The following CDH24 variants were observed in gnomAD, a reference collection of about 807,000 sequenced individuals.
CDH24 encodes cadherin-24.
A neutral mutation model predicts 71.2 loss-of-function variants in CDH24; 61 were observed. That is an observed-to-expected ratio of 0.86 (90% CI 0.70 to 1.06). CDH24 has a LOEUF of 1.06. Among genes scored for constraint, CDH24 ranks in the 50% least tolerant of loss-of-function variants. The pLI, the probability that CDH24 is intolerant of heterozygous loss-of-function variation, is 0.00. For synonymous variants in CDH24, 440 were observed against 470.2 expected (o/e 0.94, Z 0.83); for missense variants, 961 against 1,083.7 (o/e 0.89, Z 1.59).
Position 23,052,566 on chromosome 14 carries a change from T to C in CDH24, c.1270A>G (p.Ile424Val), listed in dbSNP as rs747784902. The C allele has an allele frequency of 3.1e-6, 5 of 1,613,960 alleles. No individual in the cohort carries two copies. Among genetic ancestry groups the C allele is most frequent in the Non-Finnish European group, 4.2e-6 (5 of 1,179,986 alleles). ...PHSDPERCFS[I>V]QPEEGTIHTA... Reference sequence around the variant, plus strand: ...TGGATGGTGCCTTCCTCGGGCTGGATAGAGAAGCAACGCTCCGGATCTGAG... The same window carrying C: ...TGGATGGTGCCTTCCTCGGGCTGGACAGAGAAGCAACGCTCCGGATCTGAG... Residue 424 changes from isoleucine to valine, a missense_variant, in exon 8 of 13, where the codon ATC becomes GTC. Physicochemically the swap from Ile to Val is conservative, Grantham distance 29 (BLOSUM62 3). Around this residue, in one of 2 missense-constraint regions of CDH24, gnomAD observed 671 missense variants for 810.9 expected, o/e 0.83. Transcript: ENST00000487137.
Position 23,054,342 on chromosome 14 carries a change from A to T in CDH24, c.785-14T>A. 1 of 1,567,260 alleles carries T rather than the reference A, an allele frequency of 6.4e-7. No individual in the cohort carries two copies. The highest frequency in any genetic ancestry group is 8.7e-7 in the Non-Finnish European group (1 of 1,153,302). The stretch of plus-strand genomic sequence containing the variant: ...ACTGGTATAGGCCTTGGGATGACAG[A>T]GGGGAGACACCTTCTCAGAGAGGTC... On this transcript the variant is annotated splice_polypyrimidine_tract_variant and intron_variant, in intron 5 of 12. Transcript: ENST00000487137. This position sits in a 1 kb window ranked among gnomAD's most constrained non-coding sequence, Gnocchi z 5.2.
chr14:23,047,985 G>A lies in CDH24; in HGVS notation c.2341C>T (p.Pro781Ser), dbSNP rs1317585731. The A allele has an allele frequency of 2.2e-6, 3 of 1,355,494 alleles. No individual in the cohort carries two copies. The highest frequency in any genetic ancestry group is 1.7e-5 in the South Asian group (1 of 58,700). The allele number at this position is 1,355,494 out of a possible 1,614,324, so 84.0% of individuals were successfully genotyped here. Reference sequence around the variant, plus strand: ...GGCCGGGCCAGCCCGGGCGCTCAGGGGGCCGGGGGCTCCTTGGCCCCATAC... The same window carrying A: ...GGCCGGGCCAGCCCGGGCGCTCAGGAGGCCGGGGGCTCCTTGGCCCCATAC... ...ELYGAKEPPA[P>S] is the part of the protein sequence containing the mutation. The change falls in exon 12 of 13, where the codon CCC becomes TCC. Residue 781 changes from proline to serine, a missense_variant. This residue lies in a region of CDH24 where 290 missense variants were observed against 272.8 expected (regional missense o/e 1.06). Transcript: ENST00000487137.
intron 8 of CDH24, chr14:23,052,045 G>A (rs1183721146): frequency 6.3e-7 from 1 of 1,580,768 alleles, no homozygotes; most frequent in Admixed American, 1.8e-5. Flanking sequence ...TCAGCAACCA[G>A]AAGAGGTACC....
chr14:23,057,374 G>T lies in CDH24; in HGVS notation c.-125+29C>A, dbSNP rs2047146323. ...CCCTCCTACCCCTCCGCGGATTCCC[G>T]ACCCCTGCTCCGGGGCAGGCGCCCT... On this transcript the variant is annotated intron_variant, in intron 1 of 12. Coordinates refer to ENST00000487137, the MANE Select transcript of CDH24 (RefSeq NM_144985.4). This position sits in a 1 kb window ranked among gnomAD's most constrained non-coding sequence, Gnocchi z 5.4. The T allele has an allele frequency of 6.6e-6, 1 of 151,874 alleles. No individual in the cohort carries two copies. Among genetic ancestry groups the T allele is most frequent in the African/African-American group, 2.4e-5 (1 of 41,390 alleles). 9.4% of individuals were successfully genotyped at this position (151,874 alleles called of 1,614,324 possible). A position where few individuals can be genotyped will look rare whatever the true frequency, so the allele number is the denominator to read the frequency against.
chr14:23,052,114 G>T, intron 8 of CDH24: 1 of 1,232,938 alleles, frequency 8.1e-7, no homozygotes, highest in Non-Finnish European at 1.2e-6. Context: ...GATGGGGTCT[G>T]TCAGTACACA....
At chr14:23,053,460 C>T (rs2047099037) in intron 7 of CDH24, 36 bp downstream of exon 7, 1 of 1,523,018 alleles carries the variant, frequency 6.6e-7, no homozygotes, top group Admixed American at 2.0e-5. Flanking sequence ...AAGAGCCTGC[C>T]ATCTGGCTCC....
rs1255918102 is a variant in CDH24, at chr14:23,047,984, G to C, written c.2342C>G (p.Pro781Arg). ...ELYGAKEPPA[P>R] is the part of the protein sequence containing the mutation. Reference sequence around the variant, plus strand: ...GGGCCGGGCCAGCCCGGGCGCTCAGGGGGCCGGGGGCTCCTTGGCCCCATA... The same window carrying C: ...GGGCCGGGCCAGCCCGGGCGCTCAGCGGGCCGGGGGCTCCTTGGCCCCATA... Residue 781 changes from proline to arginine, a missense_variant, in exon 12 of 13, where the codon CCC becomes CGC. Pro to Arg is a moderately radical substitution (Grantham distance 103). This residue lies in a region of CDH24 where 290 missense variants were observed against 272.8 expected (regional missense o/e 1.06). Transcript: ENST00000487137. 1 of 1,348,988 alleles carries C rather than the reference G, an allele frequency of 7.4e-7. No individual in the cohort carries two copies. The highest frequency in any genetic ancestry group is 3.2e-5 in the East Asian group (1 of 31,212). The allele number at this position is 1,348,988 out of a possible 1,614,324, so 83.6% of individuals were successfully genotyped here. A position where few individuals can be genotyped will look rare whatever the true frequency, so the allele number is the denominator to read the frequency against.
At chr14:23,049,323 G>T (rs928595445) in intron 10 of CDH24, 48 bp from the exon 11 acceptor site, 1 of 1,516,126 alleles carries the variant, frequency 6.6e-7, no homozygotes, top group Admixed American at 2.0e-5. Context: ...CACCTTCCAG[G>T]TAGGGTTGGT....
rs1181279182 is a variant in CDH24, at chr14:23,057,377, C to A, written c.-125+26G>T. 6.6e-6 allele frequency: 1 copy of A among 152,034 alleles called. No individual in the cohort carries two copies. Among genetic ancestry groups the A allele is most frequent in the Admixed American group, 6.5e-5 (1 of 15,270 alleles). 9.4% of individuals were successfully genotyped at this position (152,034 alleles called of 1,614,324 possible). On this transcript the variant is annotated intron_variant, in intron 1 of 12. Transcript: ENST00000487137. This position sits in a 1 kb window ranked among gnomAD's most constrained non-coding sequence, Gnocchi z 5.4. ...TCCTACCCCTCCGCGGATTCCCGAC[C>A]CCTGCTCCGGGGCAGGCGCCCTTAC...
Position 23,048,515 on chromosome 14 carries a change from C to A in CDH24, c.1847-36G>T, listed in dbSNP as rs2047060626. On this transcript the variant is annotated intron_variant, in intron 11 of 12. Transcript: ENST00000487137. ...GGCGCGCACACAGGCCCTGAGCCAG[C>A]AGGGCCGGGAGCGGGCGGCCTGTCT... 3 of 1,592,714 alleles carry A rather than the reference C, an allele frequency of 1.9e-6. No homozygotes were observed. In the South Asian group the frequency reaches 3.3e-5, roughly 18 times the overall value.
At chr14:23,048,537 G>A in intron 11 of CDH24, 58 bp from the exon 12 acceptor site, 1 of 1,565,488 alleles carries the variant, frequency 6.4e-7, no homozygotes, top group Non-Finnish European at 8.6e-7. Flanking sequence ...CGGGCGGCCT[G>A]TCTCCATGTG....
Position 23,049,513 on chromosome 14 carries a change from T to C in CDH24, c.1597+114A>G, listed in dbSNP as rs1364092166. 3 of 729,134 alleles carry C rather than the reference T, an allele frequency of 4.1e-6. No homozygotes were observed. In the African/African-American group the frequency reaches 5.3e-5, roughly 13 times the overall value. The allele number at this position is 729,134 out of a possible 1,614,324, so 45.2% of individuals were successfully genotyped here. A position where few individuals can be genotyped will look rare whatever the true frequency, so the allele number is the denominator to read the frequency against. On this transcript the variant is annotated intron_variant, in intron 10 of 12. Transcript: ENST00000487137. ...AGTACAAGTCCACACCCATCTTCTG[T>C]TGGGTAGAAGGCCGAGGCAGGTGGG... is the stretch of plus-strand genomic sequence containing the variant.
At position 23,057,008 on chromosome 14, in the gene CDH24, G is replaced by T. The variant is rs550687650; in HGVS notation, c.-125+395C>A. On this transcript the variant is annotated intron_variant, in intron 1 of 12. Coordinates refer to ENST00000487137, the MANE Select transcript of CDH24 (RefSeq NM_144985.4). The surrounding 1 kb of genome is among the most constrained non-coding windows in gnomAD (Gnocchi z 5.4). ...GAGAAGGAAGGGGATAGAGGAGTGG[G>T]AAACAGGATAGCAGGAAGGGGAGAG... 1.3e-5 allele frequency among the ~76,000 whole-genome samples: 2 copies of T among 152,060 alleles called. No individual in the cohort carries two copies. Among genetic ancestry groups the T allele is most frequent in the Admixed American group, 1.3e-4 (2 of 15,272 alleles).
chr14:23,056,436 G>C (rs1379961086), intron 1 of CDH24, among the ~76,000 whole-genome samples: 1 of 152,212 alleles, frequency 6.6e-6, no homozygotes, highest in Admixed American at 6.5e-5. Context: ...GAAGGAAGAG[G>C]ATACAGGGTG....
intron 6 of CDH24, 90 bp from the exon 7 acceptor site, chr14:23,053,839 A>G (rs2047103601): frequency 7.8e-7 from 1 of 1,288,540 alleles, no homozygotes; most frequent in Non-Finnish European, 1.1e-6. Context: ...CCCTCCTCAC[A>G]TGCATGCAGT....
chr14:23,051,903 G>C lies in CDH24; in HGVS notation c.1363+570C>G. 1.1e-6 allele frequency: 1 copy of C among 919,450 alleles called. No homozygotes were observed. Among genetic ancestry groups the C allele is most frequent in the Non-Finnish European group, 1.6e-6 (1 of 606,616 alleles). 57.0% of individuals were successfully genotyped at this position (919,450 alleles called of 1,614,324 possible). On this transcript the variant is annotated intron_variant, in intron 8 of 12. Transcript: ENST00000487137. This position sits in a 1 kb window ranked among gnomAD's most constrained non-coding sequence, Gnocchi z 4.4. ...AGGCAGCTGAACCCGCTGCTGGCCT[G>C]ACTGATGGGGGAGACCGCATATGGA... is the stretch of plus-strand genomic sequence containing the variant.
chr14:23,054,956 T>G lies in CDH24; in HGVS notation c.497-90A>C. The G allele has an allele frequency of 1.3e-6, 2 of 1,590,686 alleles. No individual in the cohort carries two copies. Among genetic ancestry groups the G allele is most frequent in the South Asian group, 2.3e-5 (2 of 88,744 alleles). ...GGGGGGATGCAGATACGAGGGAGGC[T>G]GAATTGAAGGGGGCAGGTTCTGGGG... On this transcript the variant is annotated intron_variant, in intron 3 of 12. Coordinates refer to ENST00000487137, the MANE Select transcript of CDH24 (RefSeq NM_144985.4). The surrounding 1 kb of genome is among the most constrained non-coding windows in gnomAD (Gnocchi z 5.2).
At position 23,055,493 on chromosome 14, in the gene CDH24, G is replaced by A. The variant is rs754013477; in HGVS notation, c.201+40C>T. 4 of 1,607,542 alleles carry A rather than the reference G, an allele frequency of 2.5e-6. No homozygotes were observed. The highest frequency in any genetic ancestry group is 2.2e-5 in the East Asian group (1 of 44,780). On this transcript the variant is annotated intron_variant, in intron 2 of 12. Coordinates refer to ENST00000487137, the MANE Select transcript of CDH24 (RefSeq NM_144985.4). The surrounding 1 kb of genome is among the most constrained non-coding windows in gnomAD (Gnocchi z 4.1). ...ATGAAGTTGCAGGGCAGGGCCTGAG[G>A]GCTTGGTGTCAGAGTAGACATGGGA...
Position 23,057,031 on chromosome 14 carries a change from G to C in CDH24, c.-125+372C>G, listed in dbSNP as rs1043450158. On this transcript the variant is annotated intron_variant, in intron 1 of 12. Transcript: ENST00000487137. The surrounding 1 kb of genome is among the most constrained non-coding windows in gnomAD (Gnocchi z 5.4). Reference sequence around the variant, plus strand: ...GGGAAACAGGATAGCAGGAAGGGGAGAGGAGAGGGAGGGAAAGGAGAGCAA... The same window carrying C: ...GGGAAACAGGATAGCAGGAAGGGGACAGGAGAGGGAGGGAAAGGAGAGCAA... 1.3e-5 allele frequency among the ~76,000 whole-genome samples: 2 copies of C among 151,954 alleles called. No homozygotes were observed. Among genetic ancestry groups the C allele is most frequent in the Non-Finnish European group, 2.9e-5 (2 of 67,980 alleles).
Sources: allele counts gnomAD v4.1 joint callset (sites outside exome capture counted in the v4.1 genomes callset), GRCh38; gene constraint gnomAD v4.1.1; regional missense constraint gnomAD v4.1.1; non-coding constraint Gnocchi (gnomAD v3.1); transcripts MANE v1.5; gene names NCBI Gene and HGNC (gene_info 2026-07-23, HGNC 2026-07-21).